The following PNPLA8 variants were observed in gnomAD, a reference collection of about 807,000 sequenced individuals.
PNPLA8 encodes patatin like domain 8, phospholipase A2.
A neutral mutation model predicts 76.9 loss-of-function variants in PNPLA8; 39 were observed. The observed-to-expected ratio is 0.51, with a 90% CI of 0.39 to 0.66. The LOEUF (loss-of-function observed/expected upper bound fraction) is 0.66. Among genes scored for constraint, PNPLA8 ranks in the 30% least tolerant of loss-of-function variants. The probability of loss-of-function intolerance (pLI) is 0.00; values close to 1 mark genes in which losing one functional copy is unlikely to be tolerated. For missense variants in PNPLA8, 887 were observed against 918.0 expected (o/e 0.97, Z 0.44); for synonymous variants, 301 against 307.9 (o/e 0.98, Z 0.24).
chr7:108,503,456 C>T (rs1340058785), intron 4 of PNPLA8, among the ~76,000 whole-genome samples: 1 of 152,156 alleles, frequency 6.6e-6, no homozygotes, highest in Non-Finnish European at 1.5e-5. Flanking sequence ...AATTCTTTCT[C>T]AATATTTTTT....
rs200683131 is a variant in PNPLA8, at chr7:108,479,262, C to G, written c.1996G>C (p.Asp666His). The change falls in exon 10 of 11, where the codon GAT (aspartate) becomes CAT (histidine). Residue 666 changes from aspartate to histidine, a missense_variant. Transcript: ENST00000257694. The stretch of plus-strand genomic sequence containing the variant: ...GTGTATGTTACCGTGTTTCTCACAT[C>G]ACTCTCATAACGTCCAGTGCCCAGG... ...VSLGTGRYES[D>H]VRNTVTYTSL... 103 of 1,613,430 alleles carry G rather than the reference C, an allele frequency of 6.4e-5. No homozygotes were observed. The East Asian group carries it at 2.3e-3, about 36-fold the overall frequency.
intron 9 of PNPLA8, among the ~76,000 whole-genome samples, chr7:108,486,758 A>T (rs1408181830): frequency 6.6e-6 from 1 of 152,154 alleles, no homozygotes; most frequent in Non-Finnish European, 1.5e-5. Flanking sequence ...TGAAGTTTAT[A>T]TTGCTGACAT....
At chr7:108,478,192 C>T (rs1201496499) in intron 10 of PNPLA8, among the ~76,000 whole-genome samples, 1 of 151,874 alleles carries the variant, frequency 6.6e-6, no homozygotes, top group Admixed American at 6.6e-5. Context: ...TCAACAGAGA[C>T]CTGAATGAAA....
chr7:108,510,709 CA>C, intron 4 of PNPLA8: 1 of 1,600,206 alleles, frequency 6.2e-7, no homozygotes. Flanking sequence ...GTGGTTATGG[CA>C]AAATCAATAA....
At chr7:108,507,201 G>C (rs1442898774) in intron 4 of PNPLA8, among the ~76,000 whole-genome samples, 2 of 151,794 alleles carry the variant, frequency 1.3e-5, no homozygotes, top group Non-Finnish European at 2.9e-5. Context: ...AAATTAGCTG[G>C]GCGTGGTGGC....
At chr7:108,488,476 A>G (rs1860910460) in intron 8 of PNPLA8, among the ~76,000 whole-genome samples, 1 of 152,174 alleles carries the variant, frequency 6.6e-6, no homozygotes, top group Admixed American at 6.5e-5. Context: ...CGGGAGGCTG[A>G]GGCAGGAGAA....
At chr7:108,522,219 G>A (rs1328657477) in intron 1 of PNPLA8, among the ~76,000 whole-genome samples, 6 of 151,702 alleles carry the variant, frequency 4.0e-5, no homozygotes, top group East Asian at 3.9e-4. Flanking sequence ...ACTTGAACCC[G>A]GGAGGCGGAG....
intron 4 of PNPLA8, among the ~76,000 whole-genome samples, chr7:108,511,531 A>C (rs542019577): frequency 3.3e-5 from 5 of 152,324 alleles, no homozygotes; most frequent in African/African-American, 1.2e-4. Flanking sequence ...ACTTCAAATA[A>C]CACTGAGAAG....
chr7:108,515,622 T>A, intron 2 of PNPLA8, 48 bp from the exon 3 acceptor site: 1 of 1,145,496 alleles, frequency 8.7e-7, no homozygotes, highest in Non-Finnish European at 1.1e-6. Flanking sequence ...AAATTGAAAT[T>A]GGGTATAACA....
intron 4 of PNPLA8, chr7:108,510,828 G>C (rs949245518): frequency 1.3e-6 from 2 of 1,599,532 alleles, no homozygotes; most frequent in East Asian, 2.2e-5. Flanking sequence ...GTTGGAAAAC[G>C]CTTCAAAGAG....
rs539270388 is a variant in PNPLA8, at chr7:108,473,768, A to G, written c.2075-1093T>C. Among the ~76,000 whole-genome samples, 53 of 152,268 alleles carry G rather than the reference A, an allele frequency of 3.5e-4. No homozygotes were observed. In the East Asian group the frequency reaches 9.7e-3, roughly 28 times the overall value. On this transcript the variant is annotated intron_variant, in intron 10 of 10. Transcript: ENST00000257694. ...TGTCCTATATATATGACAGTGGTGCAATCATGGCTCACCGCAACCTCGAAC... is the reference window on the plus strand; with the variant it reads ...TGTCCTATATATATGACAGTGGTGCGATCATGGCTCACCGCAACCTCGAAC...
At chr7:108,517,753 T>G (rs1037396565) in intron 2 of PNPLA8, among the ~76,000 whole-genome samples, 1 of 152,106 alleles carries the variant, frequency 6.6e-6, no homozygotes, top group Admixed American at 6.5e-5. Flanking sequence ...TACATATATA[T>G]GTAATATGGG....
chr7:108,513,963 T>A (rs1863114255), intron 4 of PNPLA8, among the ~76,000 whole-genome samples, 181 bp downstream of exon 4: 1 of 152,178 alleles, frequency 6.6e-6, no homozygotes, highest in African/African-American at 2.4e-5. Flanking sequence ...CAAAATAAAA[T>A]GAATTGATTA....
chr7:108,523,102 T>A (rs996599129), intron 1 of PNPLA8, among the ~76,000 whole-genome samples: 1 of 152,044 alleles, frequency 6.6e-6, no homozygotes, highest in Admixed American at 6.5e-5. Flanking sequence ...AGAGGTAGTA[T>A]AAATACAATG....
At chr7:108,483,046 T>C (rs1234013571) in intron 9 of PNPLA8, among the ~76,000 whole-genome samples, 2 of 152,224 alleles carry the variant, frequency 1.3e-5, no homozygotes, top group Non-Finnish European at 2.9e-5. Context: ...TGGTAGTATT[T>C]TGCAAACCAC....
At position 108,479,192 on chromosome 7, in the gene PNPLA8, T is replaced by A. The variant is rs374389365; in HGVS notation, c.2066A>T (p.Asp689Val). Reference protein sequence around the residue: ...KLSNVINSATDTEEVHIMLDG... With the variant: ...KLSNVINSATVTEEVHIMLDG... ...CAGCAAACAAGACTAACCTTCTGTA[T>A]CTGTAGCACTGTTGATAACATTAGA... The change falls in exon 10 of 11, where the codon GAT (aspartate) becomes GTT (valine). Residue 689 changes from aspartate to valine, a missense_variant. Coordinates refer to ENST00000257694, the MANE Select transcript of PNPLA8 (RefSeq NM_001256007.3). The A allele has an allele frequency of 6.2e-7, 1 of 1,606,134 alleles. No individual in the cohort carries two copies. Among genetic ancestry groups the A allele is most frequent in the Admixed American group, 1.7e-5 (1 of 59,680 alleles).
intron 4 of PNPLA8, among the ~76,000 whole-genome samples, chr7:108,511,195 T>A (rs1862906020): frequency 6.6e-6 from 1 of 152,220 alleles, no homozygotes; most frequent in Non-Finnish European, 1.5e-5. Context: ...AGAATGTCAA[T>A]TATAATGTAG....
chr7:108,499,088 C>T (rs1235891811), intron 5 of PNPLA8, among the ~76,000 whole-genome samples: 2 of 152,074 alleles, frequency 1.3e-5, no homozygotes, highest in Non-Finnish European at 2.9e-5. Context: ...CAAGACAAGA[C>T]ATGATGAATT....
At position 108,502,476 on chromosome 7, in the gene PNPLA8, T is replaced by C; in HGVS notation, c.1358+15A>G. 7 of 1,046,602 alleles carry C rather than the reference T, an allele frequency of 6.7e-6. 1 individual carries two copies. The highest frequency in any genetic ancestry group is 7.0e-6 in the Non-Finnish European group (5 of 719,078). The allele number at this position is 1,046,602 out of a possible 1,614,324, so 64.8% of individuals were successfully genotyped here. A position where few individuals can be genotyped will look rare whatever the true frequency, so the allele number is the denominator to read the frequency against. On this transcript the variant is annotated intron_variant, in intron 5 of 10. Coordinates refer to ENST00000257694, the MANE Select transcript of PNPLA8 (RefSeq NM_001256007.3). ...AAAAAAAAAAAAAAAAAAAGAATCA[T>C]GTTCCTAGCCTTACCTTGTTCCTCC...
Sources: allele counts gnomAD v4.1 joint callset (sites outside exome capture counted in the v4.1 genomes callset), GRCh38; gene constraint gnomAD v4.1.1; transcripts MANE v1.5; gene names NCBI Gene and HGNC (gene_info 2026-07-23, HGNC 2026-07-21).